The following CPSF7 variants were observed in gnomAD, a reference collection of about 807,000 sequenced individuals.
CPSF7 encodes cleavage and polyadenylation specificity factor subunit 7.
A neutral mutation model predicts 44.3 loss-of-function variants in CPSF7; 1 was observed. The observed-to-expected ratio is 0.02, with a 90% CI of 0.01 to 0.11. CPSF7 has a LOEUF of 0.11. Among genes scored for constraint, CPSF7 ranks in the 10% least tolerant of loss-of-function variants. CPSF7 has a pLI of 1.00. For synonymous variants in CPSF7, 202 were observed against 222.0 expected (o/e 0.91, Z 0.80); for missense variants, 443 against 607.2 (o/e 0.73, Z 2.84).
At position 61,410,935 on chromosome 11, in the gene CPSF7, C is replaced by T. The variant is rs370581145; in HGVS notation, c.*5+3G>A. 8 of 1,585,088 alleles carry T rather than the reference C, an allele frequency of 5.0e-6. No individual in the cohort carries two copies. Among genetic ancestry groups the T allele is most frequent in the Middle Eastern group, 1.7e-4 (1 of 5,902 alleles). ...AGCAGCCAGGAACGGGGCTTCTCCC[C>T]ACCTTTCTCAGTGGTGCCGGTCCCG... On this transcript the variant is annotated splice_donor_region_variant and intron_variant, in intron 9 of 9. Transcript: ENST00000439958.
intron 6 of CPSF7, 26 bp downstream of exon 6, chr11:61,416,079 A>G: frequency 6.7e-7 from 1 of 1,489,012 alleles, no homozygotes; most frequent in Non-Finnish European, 8.9e-7. Context: ...CCCTGGCTCA[A>G]ATCTGAAAGG....
At chr11:61,412,725 ATGTAAAGCCCTTAGCACAG>A (rs1453975399) in intron 7 of CPSF7, among the ~76,000 whole-genome samples, 1 of 152,256 alleles carries the variant, frequency 6.6e-6, no homozygotes, top group Admixed American at 6.5e-5. Flanking sequence ...AAAGTAATCC[ATGTAAAGCCCTTAGCACAG>A]TGCCAGGCAC....
Position 61,416,557 on chromosome 11 carries a change from T to A in CPSF7, c.524-38A>T, listed in dbSNP as rs114100352. 6.6e-4 allele frequency: 1,058 copies of A among 1,605,010 alleles called. 10 individuals are homozygous for A. The African/African-American group carries it at 0.013, about 20-fold the overall frequency. On this transcript the variant is annotated intron_variant, in intron 5 of 9. Coordinates refer to ENST00000439958, the MANE Select transcript of CPSF7 (RefSeq NM_001142565.3). Reference sequence around the variant, plus strand: ...ACAGAACTGATGTTACTGCCCAGGCTTTACACAAACCCACAGGACCAGTTC... The same window carrying A: ...ACAGAACTGATGTTACTGCCCAGGCATTACACAAACCCACAGGACCAGTTC...
rs1273686251 is a variant in CPSF7 at position 61,415,566 on chromosome 11, T to TC, written c.1057+99dup. On this transcript the variant is annotated intron_variant, in intron 7 of 9. Coordinates refer to ENST00000439958, the MANE Select transcript of CPSF7 (RefSeq NM_001142565.3). ...ATGCCGCTCTTGATATCTACAGTAC[T>TC]CCAACTTTATCTTGTTGAACTTTTG... 33 of 787,392 alleles carry TC rather than the reference T, an allele frequency of 4.2e-5. No homozygotes were observed. In the African/African-American group the frequency reaches 4.6e-4, roughly 11 times the overall value. The allele number at this position is 787,392 out of a possible 1,614,324, so 48.8% of individuals were successfully genotyped here.
chr11:61,415,005 G>C (rs1427284450), intron 7 of CPSF7, among the ~76,000 whole-genome samples: 1 of 152,184 alleles, frequency 6.6e-6, no homozygotes, highest in Non-Finnish European at 1.5e-5. Context: ...GGGAGGCCGA[G>C]ACAGGCGGAT....
At chr11:61,411,688 T>G in intron 8 of CPSF7, 81 bp downstream of exon 8, 20 of 1,328,228 alleles carry the variant, frequency 1.5e-5, no homozygotes, top group Non-Finnish European at 2.1e-5. Flanking sequence ...CCAGATTCCC[T>G]GGGCTCCATT....
intron 7 of CPSF7, among the ~76,000 whole-genome samples, chr11:61,413,794 G>C (rs1432448637): frequency 6.6e-6 from 1 of 152,080 alleles, no homozygotes; most frequent in Non-Finnish European, 1.5e-5. Context: ...TTAATACAAA[G>C]AAAATATGAA....
At chr11:61,406,219 C>T (rs1859303965) in intron 9 of CPSF7, 1 of 152,174 alleles carries the variant, frequency 6.6e-6, no homozygotes, top group South Asian at 2.1e-4. Flanking sequence ...GAGATTCCTT[C>T]AAGTGGGCCA....
intron 4 of CPSF7, 74 bp downstream of exon 4, chr11:61,420,396 G>A (rs1376490998): frequency 1.4e-6 from 2 of 1,385,312 alleles, no homozygotes; most frequent in African/African-American, 2.9e-5. Flanking sequence ...TTAAAATCCA[G>A]GGCCAAAATA....
At chr11:61,412,373 T>C (rs1373434359) in intron 7 of CPSF7, among the ~76,000 whole-genome samples, 1 of 151,806 alleles carries the variant, frequency 6.6e-6, no homozygotes, top group Non-Finnish European at 1.5e-5. Flanking sequence ...CACTGCAAGC[T>C]CCGCCTCCCA....
intron 2 of CPSF7, among the ~76,000 whole-genome samples, chr11:61,428,448 G>A (rs1861614556): frequency 6.6e-6 from 1 of 152,130 alleles, no homozygotes; most frequent in Non-Finnish European, 1.5e-5. Flanking sequence ...AGGCTCCAGA[G>A]CAGCTGAGAT....
chr11:61,427,911 T>C (rs1490795413), intron 2 of CPSF7, among the ~76,000 whole-genome samples: 3 of 152,216 alleles, frequency 2.0e-5, no homozygotes, highest in African/African-American at 7.2e-5. Flanking sequence ...AAATGGCATG[T>C]ATCCGCCTCT....
intron 5 of CPSF7, among the ~76,000 whole-genome samples, chr11:61,418,639 G>A (rs1239302592): frequency 6.6e-6 from 1 of 152,128 alleles, no homozygotes; most frequent in Non-Finnish European, 1.5e-5. Flanking sequence ...GTGGCTTAGT[G>A]AGTACAGTCA....
chr11:61,418,432 T>C (rs1054718875), intron 5 of CPSF7, among the ~76,000 whole-genome samples: 3 of 152,198 alleles, frequency 2.0e-5, no homozygotes, highest in Non-Finnish European at 4.4e-5. Flanking sequence ...TTGCTTCAAC[T>C]GGGGTGACTA....
intron 7 of CPSF7, 97 bp downstream of exon 7, chr11:61,415,569 A>C: frequency 1.2e-6 from 1 of 806,484 alleles, no homozygotes; most frequent in East Asian, 2.4e-5. Flanking sequence ...ACAGTACTCC[A>C]ACTTTATCTT....
chr11:61,408,970 G>A (rs1471084412), intron 9 of CPSF7, among the ~76,000 whole-genome samples: 1 of 152,120 alleles, frequency 6.6e-6, no homozygotes, highest in East Asian at 1.9e-4. Context: ...CTTGAGGCCA[G>A]GAGTTCAAGA....
chr11:61,428,404 T>C (rs1010215593), intron 2 of CPSF7, among the ~76,000 whole-genome samples: 12 of 152,152 alleles, frequency 7.9e-5, no homozygotes, highest in African/African-American at 1.9e-4. Context: ...CTGGCTGGTA[T>C]TGAACTTCTG....
chr11:61,415,929 G>A (rs1860287972), intron 6 of CPSF7, 145 bp from the exon 7 acceptor site: 2 of 844,790 alleles, frequency 2.4e-6, no homozygotes, highest in South Asian at 3.5e-5. Flanking sequence ...ATTTAATTAA[G>A]CACCTTAAAA....
At position 61,403,510 on chromosome 11, in the gene CPSF7, C is replaced by CT. The variant is rs1859056931; in HGVS notation, c.*1199dup. On this transcript the variant is annotated 3_prime_UTR_variant, in exon 10 of 10. Transcript: ENST00000439958. ...GAGCTGAGTTCATTCAAGTCGGGCTCTGTTTCTTCTGGCTCCTCATCTGAG... is the reference window on the plus strand; with the variant it reads ...GAGCTGAGTTCATTCAAGTCGGGCTCTTGTTTCTTCTGGCTCCTCATCTGAG... 7 of 152,294 alleles carry CT rather than the reference C, an allele frequency of 4.6e-5. No homozygotes were observed. The highest frequency in any genetic ancestry group is 4.6e-4 in the Admixed American group (7 of 15,292). The allele number at this position is 152,294 out of a possible 1,614,324, so 9.4% of individuals were successfully genotyped here. A position where few individuals can be genotyped will look rare whatever the true frequency, so the allele number is the denominator to read the frequency against.
Sources: gnomAD v4.1 joint callset for allele counts (sites outside exome capture counted in the v4.1 genomes callset) on GRCh38, gnomAD v4.1.1 for gene constraint, MANE v1.5 for transcripts, NCBI Gene and HGNC (gene_info 2026-07-23, HGNC 2026-07-21) for gene names.